Variants in GLYATL1 observed in about 807,000 individuals in gnomAD.
GLYATL1 encodes the protein glycine-N-acyltransferase like 1.
GLYATL1 carries 15 observed loss-of-function variants against 20.0 expected under a neutral mutation model. The ratio of observed to expected loss-of-function variants is 0.75; its 90% CI spans 0.50 to 1.15. The LOEUF (loss-of-function observed/expected upper bound fraction) is 1.15. GLYATL1 is among the 50% of genes most tolerant of loss of function. The probability of loss-of-function intolerance (pLI) is 0.00; values close to 1 mark genes in which losing one functional copy is unlikely to be tolerated. For synonymous variants in GLYATL1, 151 were observed against 131.5 expected, an observed-to-expected ratio of 1.15 and a Z score of -1.01; for missense variants, 380 against 368.5, an observed-to-expected ratio of 1.03 and a Z score of -0.26.
downstream of GLYATL1, among the ~76,000 whole-genome samples, chr11:58,910,760 T>A (rs1339014551): frequency 6.6e-6 from 1 of 152,224 alleles, no homozygotes; most frequent in East Asian, 1.9e-4. Context: ...CCCAATTGAT[T>A]GTCTTACAGA....
Position 58,955,194 on chromosome 11 carries a change from G to C in GLYATL1, c.332G>C (p.Gly111Ala), listed in dbSNP as rs138087696. 5 of 1,613,300 alleles carry C rather than the reference G, an allele frequency of 3.1e-6. No homozygotes were observed. In the African/African-American group the frequency reaches 6.7e-5, roughly 22 times the overall value. Residue 111 changes from glycine to alanine, a missense_variant, in exon 6 of 7, where the codon GGT becomes GCT. Gly to Ala is a moderately conservative substitution (Grantham distance 60). Coordinates refer to ENST00000532726, the MANE Select transcript of GLYATL1 (RefSeq NM_001389712.2). ...LQIQGLQESL[G>A]EGIRVATFSK... ...TTCCCAGGTCTTCAAGAAAGTTTAG[G>C]TGAGGGGATAAGAGTGGCTACATTT...
chr11:58,933,234 G>A (rs1383670894), intron 1 of GLYATL1, among the ~76,000 whole-genome samples: 2 of 152,158 alleles, frequency 1.3e-5, no homozygotes, highest in Non-Finnish European at 2.9e-5. Flanking sequence ...AATATCTGGA[G>A]GTTAGATGAG....
chr11:58,914,639 T>C (rs1272880664), intron 1 of GLYATL1, among the ~76,000 whole-genome samples: 1 of 152,158 alleles, frequency 6.6e-6, no homozygotes, highest in East Asian at 1.9e-4. Flanking sequence ...TAAAGATTGG[T>C]CATTGTTCTG....
exon 2 of GLYATL1, chr11:58,907,723 G>A (rs1039838066): frequency 1.5e-5 from 3 of 195,782 alleles, no homozygotes; most frequent in South Asian, 9.3e-5. Context: ...ACAACTTTGG[G>A]TGCCAAAAAT....
At chr11:58,916,784 G>A (rs1855183590) in intron 1 of GLYATL1, among the ~76,000 whole-genome samples, 1 of 152,188 alleles carries the variant, frequency 6.6e-6, no homozygotes, top group Non-Finnish European at 1.5e-5. Context: ...TACAAACAAA[G>A]CAACAAAAGA....
At chr11:58,940,931 C>A (rs1856094643) in intron 1 of GLYATL1, among the ~76,000 whole-genome samples, 1 of 152,174 alleles carries the variant, frequency 6.6e-6, no homozygotes, top group Non-Finnish European at 1.5e-5. Context: ...TCAGCCACTG[C>A]ACTCCAACCT....
rs1230108359 is a variant in GLYATL1, at chr11:58,939,490, G to C, written c.-327G>C. 1 of 152,312 alleles carries C rather than the reference G, an allele frequency of 6.6e-6. No individual in the cohort carries two copies. The highest frequency in any genetic ancestry group is 6.5e-5 in the Admixed American group (1 of 15,274). The allele number at this position is 152,312 out of a possible 1,614,324, so 9.4% of individuals were successfully genotyped here. ...TCCCGACCAGGAACACTTTGGCTCA[G>C]TTGCCATGGGCCAGGAGTCTCACAG... On this transcript the variant is annotated 5_prime_UTR_variant, in exon 1 of 7. Transcript: ENST00000532726.
intron 1 of GLYATL1, among the ~76,000 whole-genome samples, chr11:58,915,383 G>A (rs1226912447): frequency 1.3e-5 from 2 of 152,150 alleles, no homozygotes; most frequent in Non-Finnish European, 2.9e-5. Context: ...TTTCCCATGT[G>A]AGCCCCTCTT....
intron 4 of GLYATL1, among the ~76,000 whole-genome samples, chr11:58,954,517 T>G (rs1247281258): frequency 6.6e-6 from 1 of 152,156 alleles, no homozygotes; most frequent in Non-Finnish European, 1.5e-5. Flanking sequence ...CATCCTGTCT[T>G]AGTTCTGCAT....
At chr11:58,947,201 G>A (rs1565131351) in intron 3 of GLYATL1, 36 bp downstream of exon 3, 12 of 1,597,940 alleles carry the variant, frequency 7.5e-6, no homozygotes, top group Non-Finnish European at 7.7e-6. Flanking sequence ...TATGGGAGTA[G>A]GGGTGTTGAG....
rs777046981 is a variant in GLYATL1 at position 58,947,862 on chromosome 11, A to G, written c.83A>G (p.Tyr28Cys). Residue 28 changes from tyrosine (Y) to cysteine (C), a missense_variant, in exon 4 of 7, where the codon TAT becomes TGT. Physicochemically the swap from Tyr to Cys is radical, Grantham distance 194 (BLOSUM62 -2). Transcript: ENST00000532726. ...TCCCTTTCATCCCTCCTTCAGGTGT[A>G]TGGCTCTGTGTATCACATCAATCAC... ...ARSIPESLKV[Y>C]GSVYHINHGN... The G allele has an allele frequency of 1.6e-5, 26 of 1,609,638 alleles. No individual in the cohort carries two copies. Among genetic ancestry groups the G allele is most frequent in the Non-Finnish European group, 2.1e-5 (25 of 1,176,114 alleles).
chr11:58,913,459 C>G (rs1409128993), downstream of GLYATL1, among the ~76,000 whole-genome samples: 2 of 152,164 alleles, frequency 1.3e-5, no homozygotes, highest in Non-Finnish European at 1.5e-5. Flanking sequence ...CCTTTTTCTT[C>G]CTCGTCTCTC....
intron 1 of GLYATL1, among the ~76,000 whole-genome samples, chr11:58,919,884 T>A (rs994689110): frequency 2.0e-5 from 3 of 152,172 alleles, no homozygotes; most frequent in African/African-American, 7.2e-5. Flanking sequence ...CCATATGAGT[T>A]CCTCGGTGGA....
downstream of GLYATL1, among the ~76,000 whole-genome samples, chr11:58,911,803 G>A (rs1200070150): frequency 3.3e-5 from 5 of 152,018 alleles, no homozygotes; most frequent in Non-Finnish European, 7.4e-5. Context: ...GTTTTGGGAG[G>A]GAAAAGTTTT....
chr11:58,924,027 G>A (rs943878961), upstream of GLYATL1, among the ~76,000 whole-genome samples: 11 of 152,076 alleles, frequency 7.2e-5, no homozygotes, highest in African/African-American at 2.4e-4. Flanking sequence ...TGACCCAAAC[G>A]ACCTATGAAT....
At chr11:58,911,715 T>C (rs1277791121), downstream of GLYATL1, among the ~76,000 whole-genome samples, 2 of 152,238 alleles carry the variant, frequency 1.3e-5, no homozygotes, top group East Asian at 1.9e-4. Flanking sequence ...TCCTTTGTTA[T>C]ATTGCTTTTC....
chr11:58,911,231 A>G (rs1261305952), downstream of GLYATL1, among the ~76,000 whole-genome samples: 1 of 152,226 alleles, frequency 6.6e-6, no homozygotes, highest in African/African-American at 2.4e-5. Context: ...CACTCACTGA[A>G]GAACATTTGA....
At chr11:58,914,207 G>A (rs1855114705) in intron 1 of GLYATL1, among the ~76,000 whole-genome samples, 1 of 152,146 alleles carries the variant, frequency 6.6e-6, no homozygotes, top group Non-Finnish European at 1.5e-5. Context: ...TTTAACACCT[G>A]CAGGTCCCAC....
At chr11:58,955,130 G>T in intron 5 of GLYATL1, 46 bp from the exon 6 acceptor site, 1 of 1,565,894 alleles carries the variant, frequency 6.4e-7, no homozygotes, top group Non-Finnish European at 8.7e-7. Flanking sequence ...AGTGTAAGTA[G>T]AGAACTCCAT....
Sources: gnomAD v4.1 joint callset for allele counts (sites outside exome capture counted in the v4.1 genomes callset) on GRCh38, gnomAD v4.1.1 for gene constraint, MANE v1.5 for transcripts, NCBI Gene and HGNC (gene_info 2026-07-23, HGNC 2026-07-21) for gene names.